RIC1: variants seen among roughly 807,000 people sequenced by gnomAD.
The protein encoded by RIC1 is guanine nucleotide exchange factor subunit RIC1.
In RIC1, 88 loss-of-function variants were observed where a neutral mutation model predicts 169.0. That is an observed-to-expected ratio of 0.52 (90% confidence interval 0.44 to 0.62). The LOEUF (loss-of-function observed/expected upper bound fraction) is 0.62, where lower values mean the gene tolerates loss of function less well. Among genes scored for constraint, RIC1 ranks in the 20% least tolerant of loss-of-function variants. RIC1 has a pLI of 0.00. For missense variants in RIC1, 1,877 were observed against 1,725.5 expected (o/e 1.09, Z -1.56); for synonymous variants, 790 against 601.5 (o/e 1.31, Z -4.59).
chr9:5,684,410 T>C (rs1821082109), intron 2 of RIC1, among the ~76,000 whole-genome samples: 2 of 151,738 alleles, frequency 1.3e-5, no homozygotes, highest in Non-Finnish European at 2.9e-5. Context: ...ATAAACAAGA[T>C]GTATTTCTCC....
At chr9:5,741,555 CT>C (rs1334716125) in intron 8 of RIC1, among the ~76,000 whole-genome samples, 1 of 152,078 alleles carries the variant, frequency 6.6e-6, no homozygotes, top group African/African-American at 2.4e-5. Flanking sequence ...TGCTGATCCT[CT>C]CCAGTTATGC....
rs144792822 is a variant in RIC1 at position 5,684,429 on chromosome 9, A to G, written c.253-5530A>G. Among the ~76,000 whole-genome samples the G allele has an allele frequency of 8.5e-3, 1,296 of 151,912 alleles. 17 individuals carry two copies. The highest frequency in any genetic ancestry group is 0.03 in the African/African-American group (1,246 of 41,422). ...ACAAGATGTATTTCTCCATTGAAGT[A>G]TTTTTACTTTCAGCACTGTTTTCTA... On this transcript the variant is annotated intron_variant, in intron 2 of 25. Transcript: ENST00000414202.
Position 5,629,443 on chromosome 9 carries a change from G to T in RIC1, c.134G>T (p.Trp45Leu). Reference sequence around the variant, plus strand: ...CTGGCCGCGGCCCGCCTCAGCATCTGGTACAGCCGAGTAAGTAGAGCCGCC... The same window carrying T: ...CTGGCCGCGGCCCGCCTCAGCATCTTGTACAGCCGAGTAAGTAGAGCCGCC... ...AVLAAARLSIWYSRPSVLIVT... is the reference protein window; with the variant it reads ...AVLAAARLSILYSRPSVLIVT... The change falls in exon 1 of 26, where the codon TGG becomes TTG. Residue 45 changes from tryptophan (W) to leucine (L), a missense_variant. Trp to Leu is a moderately conservative substitution (Grantham distance 61). Coordinates refer to ENST00000414202, the MANE Select transcript of RIC1 (RefSeq NM_020829.4). 2 of 1,532,526 alleles carry T rather than the reference G, an allele frequency of 1.3e-6. No homozygotes were observed. Among genetic ancestry groups the T allele is most frequent in the Non-Finnish European group, 1.7e-6 (2 of 1,145,464 alleles). 94.9% of individuals were successfully genotyped at this position (1,532,526 alleles called of 1,614,324 possible).
chr9:5,758,365 C>CA (rs1316565965), intron 17 of RIC1, among the ~76,000 whole-genome samples: 2 of 152,176 alleles, frequency 1.3e-5, no homozygotes, highest in Admixed American at 1.3e-4. Context: ...TCTGGGCAGT[C>CA]TGTCTTTTAC....
chr9:5,717,145 A>AG (rs1373784687), intron 4 of RIC1, among the ~76,000 whole-genome samples: 7 of 152,146 alleles, frequency 4.6e-5, no homozygotes, highest in African/African-American at 1.7e-4. Flanking sequence ...TCTTGACTCT[A>AG]GGTTACATTT....
intron 2 of RIC1, among the ~76,000 whole-genome samples, chr9:5,671,646 AAAC>A (rs1180618521): frequency 6.6e-6 from 1 of 152,234 alleles, no homozygotes; most frequent in Non-Finnish European, 1.5e-5. Context: ...GAGGCTACAA[AAAC>A]TTTGAACAAC....
At chr9:5,778,128 CAG>C (rs1827681127), downstream of RIC1, among the ~76,000 whole-genome samples, 1 of 152,114 alleles carries the variant, frequency 6.6e-6, no homozygotes, top group Admixed American at 6.6e-5. Flanking sequence ...TGTCTTTTAA[CAG>C]TGGATTATAA....
At chr9:5,645,921 C>T (rs542518947) in intron 1 of RIC1, among the ~76,000 whole-genome samples, 39 of 151,082 alleles carry the variant, frequency 2.6e-4, no homozygotes, top group Admixed American at 2.6e-4. Context: ...CAGAAGTGGA[C>T]CTGCTGTTTC....
chr9:5,747,982 G>A (rs1475088977), intron 12 of RIC1, among the ~76,000 whole-genome samples: 1 of 152,102 alleles, frequency 6.6e-6, no homozygotes, highest in Non-Finnish European at 1.5e-5. Flanking sequence ...GAGCTTTATT[G>A]TTAATACTTT....
At chr9:5,636,186 A>G (rs1817962170) in intron 1 of RIC1, among the ~76,000 whole-genome samples, 2 of 152,224 alleles carry the variant, frequency 1.3e-5, no homozygotes, top group African/African-American at 4.8e-5. Context: ...CAATCCATGA[A>G]CATAAGATAT....
chr9:5,665,966 G>A (rs1253991992), intron 2 of RIC1, among the ~76,000 whole-genome samples: 1 of 152,192 alleles, frequency 6.6e-6, no homozygotes, highest in Non-Finnish European at 1.5e-5. Flanking sequence ...GGTGTGCTGT[G>A]TTGGGGATTC....
chr9:5,656,303 C>A (rs1051555938), intron 1 of RIC1, among the ~76,000 whole-genome samples: 1 of 152,112 alleles, frequency 6.6e-6, no homozygotes, highest in African/African-American at 2.4e-5. Flanking sequence ...CTCCCTTAAA[C>A]GTTTGGTAGA....
In RIC1 at chr9:5,774,102, G is replaced by C. The variant is rs776805324; in HGVS notation, c.4128G>C (p.Glu1376Asp). The change falls in exon 26 of 26, where the codon GAG (glutamate) becomes GAC (aspartate). Residue 1376 changes from glutamate (E) to aspartate (D), a missense_variant. Coordinates refer to ENST00000414202, the MANE Select transcript of RIC1 (RefSeq NM_020829.4). The stretch of plus-strand genomic sequence containing the variant: ...AACAGACTAGCCCCCGGGCAGAGGA[G>C]AGCAGGGGCTCCTCCAGCCATGGAA... ...TPEQTSPRAE[E>D]SRGSSSHGSI... The C allele has an allele frequency of 1.9e-6, 3 of 1,614,020 alleles. No homozygotes were observed. Among genetic ancestry groups the C allele is most frequent in the Non-Finnish European group, 1.7e-6 (2 of 1,180,014 alleles).
intron 25 of RIC1, 116 bp from the exon 26 acceptor site, chr9:5,773,842 C>T (rs1463463216): frequency 4.1e-6 from 4 of 968,774 alleles, no homozygotes; most frequent in African/African-American, 3.3e-5. Context: ...TCCTCTCTCC[C>T]CTCCTAATCT....
At chr9:5,751,820 T>G (rs956491701) in intron 12 of RIC1, among the ~76,000 whole-genome samples, 9 of 152,254 alleles carry the variant, frequency 5.9e-5, no homozygotes, top group African/African-American at 2.2e-4. Context: ...TACAGATGTT[T>G]AGAGCATATT....
Position 5,772,941 on chromosome 9 carries a change from G to T in RIC1, c.3844G>T (p.Val1282Phe), listed in dbSNP as rs565348578. Residue 1282 changes from valine to phenylalanine, a missense_variant, in exon 25 of 26, where the codon GTT becomes TTT. Physicochemically the swap from Val to Phe is conservative, Grantham distance 50. This residue lies in a region of RIC1 where 681 missense variants were observed against 582.0 expected (regional missense o/e 1.17). Transcript: ENST00000414202. ...GGCAGGGTGCCTAGACTGGTGCATC[G>T]TTATAGGCCTGATTCTTAGAGAATC... is the stretch of plus-strand genomic sequence containing the variant. ...MEAGCLDWCI[V>F]IGLILRESSI... 1 of 1,613,738 alleles carries T rather than the reference G, an allele frequency of 6.2e-7. No individual in the cohort carries two copies. Among genetic ancestry groups the T allele is most frequent in the Admixed American group, 1.7e-5 (1 of 59,984 alleles).
chr9:5,652,785 G>C (rs965304477), intron 1 of RIC1, among the ~76,000 whole-genome samples: 2 of 151,950 alleles, frequency 1.3e-5, no homozygotes, highest in African/African-American at 4.8e-5. Flanking sequence ...TCTTATTCCA[G>C]ATTAGAGGAA....
At chr9:5,662,569 G>C (rs1237667889) in intron 2 of RIC1, among the ~76,000 whole-genome samples, 1 of 151,932 alleles carries the variant, frequency 6.6e-6, no homozygotes, top group Non-Finnish European at 1.5e-5. Context: ...GTCTTAGGGA[G>C]GGTGTATGTG....
chr9:5,751,400 G>C (rs1825716225), intron 12 of RIC1, among the ~76,000 whole-genome samples: 1 of 151,874 alleles, frequency 6.6e-6, no homozygotes, highest in Non-Finnish European at 1.5e-5. Flanking sequence ...CTGTTGCCCA[G>C]GCTGGAGTGC....
Sources: allele counts gnomAD v4.1 joint callset (sites outside exome capture counted in the v4.1 genomes callset), GRCh38; gene constraint gnomAD v4.1.1; regional missense constraint gnomAD v4.1.1; transcripts MANE v1.5; gene names NCBI Gene and HGNC (gene_info 2026-07-23, HGNC 2026-07-21).